ZNF81: variants seen among roughly 807,000 people sequenced by gnomAD.
ZNF81 encodes the protein zinc finger protein 81, also known as zinc finger protein 81 (HFZ20).
In ZNF81, 5 loss-of-function variants were observed where a neutral mutation model predicts 32.3. That is an observed-to-expected ratio of 0.15 (90% CI 0.08 to 0.33). ZNF81 has a LOEUF of 0.33. Among genes scored for constraint, ZNF81 ranks in the 10% least tolerant of loss-of-function variants. The probability of loss-of-function intolerance (pLI) is 1.00; values close to 1 mark genes in which losing one functional copy is unlikely to be tolerated. For missense variants in ZNF81, 379 were observed against 479.8 expected (o/e 0.79, Z 1.96); for synonymous variants, 163 against 166.8 (o/e 0.98, Z 0.17).
At chrX:47,857,031 A>G (rs1441762614) in intron 2 of ZNF81, among the ~76,000 whole-genome samples, 2 of 112,182 alleles carry the variant, frequency 1.8e-5, no homozygotes, top group Non-Finnish European at 3.8e-5. Context: ...CACCAATAGA[A>G]GCCTGTGGCT....
intron 1 of ZNF81, among the ~76,000 whole-genome samples, chrX:47,840,117 T>C (rs1442343954): frequency 1.2e-5 from 1 of 82,684 alleles, no homozygotes; most frequent in Non-Finnish European, 2.3e-5. Context: ...TGTCTTCATG[T>C]CTTCTCTCTC....
intron 3 of ZNF81, among the ~76,000 whole-genome samples, chrX:47,892,203 C>T (rs2058665000): frequency 9.0e-6 from 1 of 111,682 alleles, no homozygotes; most frequent in Non-Finnish European, 1.9e-5. Flanking sequence ...ACTCTGCTGT[C>T]CATTGTGGTA....
Position 47,917,948 on chromosome X carries a change from A to G in ZNF81, c.*1316A>G, listed in dbSNP as rs1285226884. 2.7e-5 allele frequency: 3 copies of G among 110,305 alleles called. No homozygotes were observed. The highest frequency in any genetic ancestry group is 5.7e-5 in the Non-Finnish European group (3 of 52,882). 9.1% of individuals were successfully genotyped at this position (110,305 alleles called of 1,213,427 possible). A position where few individuals can be genotyped will look rare whatever the true frequency, so the allele number is the denominator to read the frequency against. Reference sequence around the variant, plus strand: ...CAGTGAGGAAAACTGTTTTTCCTCAAATAACAAAGGTTGGATAGTTGGCAA... The same window carrying G: ...CAGTGAGGAAAACTGTTTTTCCTCAGATAACAAAGGTTGGATAGTTGGCAA... On this transcript the variant is annotated 3_prime_UTR_variant, in exon 5 of 5. Coordinates refer to ENST00000338637, the MANE Select transcript of ZNF81 (RefSeq NM_007137.5).
chrX:47,887,647 T>A (rs1245652565), intron 2 of ZNF81, among the ~76,000 whole-genome samples: 1 of 111,534 alleles, frequency 9.0e-6, no homozygotes, highest in Non-Finnish European at 1.9e-5. Context: ...CTATGTGAAA[T>A]TTTTAAAAAT....
rs782609524 is a variant in ZNF81 at position 47,846,258 on chromosome X, C to T, written c.-10C>T. On this transcript the variant is annotated 5_prime_UTR_variant, in exon 2 of 5. Coordinates refer to ENST00000338637, the MANE Select transcript of ZNF81 (RefSeq NM_007137.5). ...AAGCCCCAGGGCTGAAGTCCAAGTC[C>T]GTCGGGAACATGCCAGCTAACGAGG... is the stretch of plus-strand genomic sequence containing the variant. 2.0e-5 allele frequency: 24 copies of T among 1,206,213 alleles called. No homozygotes were observed. The highest frequency in any genetic ancestry group is 5.6e-4 in the Middle Eastern group (2 of 3,579).
At chrX:47,896,343 G>T (rs782225388) in intron 4 of ZNF81, among the ~76,000 whole-genome samples, 5 of 111,422 alleles carry the variant, frequency 4.5e-5, no homozygotes, top group Non-Finnish European at 9.4e-5. Flanking sequence ...TTGAAAATCC[G>T]TTGGTTGCCT....
At chrX:47,889,095 T>C (rs1556886186) in intron 3 of ZNF81, among the ~76,000 whole-genome samples, 1 of 111,751 alleles carries the variant, frequency 8.9e-6, no homozygotes, top group African/African-American at 3.3e-5. Context: ...AGGAAAAAGG[T>C]ACCAGAACTT....
At position 47,884,172 on chromosome X, in the gene ZNF81, G is replaced by A. The variant is rs183457055; in HGVS notation, c.55-3827G>A. 2.8e-3 allele frequency among the ~76,000 whole-genome samples: 298 copies of A among 106,303 alleles called. 1 individual carries two copies. Among genetic ancestry groups the A allele is most frequent in the African/African-American group, 9.6e-3 (278 of 28,941 alleles). The allele number at this position is 106,303 out of a possible 115,157, so 92.3% of individuals were successfully genotyped here. A position where few individuals can be genotyped will look rare whatever the true frequency, so the allele number is the denominator to read the frequency against. On this transcript the variant is annotated intron_variant, in intron 2 of 4. Coordinates refer to ENST00000338637, the MANE Select transcript of ZNF81 (RefSeq NM_007137.5). ...GAGGCAGAGAATTGCCTGAACCAGG[G>A]AGGCGGAGGTTGCAGTGAGCTGAGA...
At chrX:47,869,895 C>T (rs1192236522) in intron 2 of ZNF81, among the ~76,000 whole-genome samples, 1 of 110,959 alleles carries the variant, frequency 9.0e-6, no homozygotes, top group Non-Finnish European at 1.9e-5. Context: ...AGGGTTTTGT[C>T]ATGTTGTCCA....
chrX:47,885,644 G>T (rs1006040621), intron 2 of ZNF81, among the ~76,000 whole-genome samples: 3 of 111,730 alleles, frequency 2.7e-5, no homozygotes, highest in Non-Finnish European at 5.6e-5. Flanking sequence ...TCCTCCAGAG[G>T]GGGTGAATTC....
chrX:47,841,069 G>T, intron 1 of ZNF81: 1 of 864,701 alleles, frequency 1.2e-6, no homozygotes, highest in Non-Finnish European at 1.7e-6. Flanking sequence ...ACGGGCCACT[G>T]ACAGGTGGAA....
chrX:47,865,859 C>T (rs782030749), intron 2 of ZNF81, among the ~76,000 whole-genome samples: 69 of 111,575 alleles, frequency 6.2e-4, no homozygotes, highest in Non-Finnish European at 1.1e-3. Flanking sequence ...CCCTGAACTT[C>T]GTCAGAATTT....
At position 47,900,417 on chromosome X, in the gene ZNF81, C is replaced by T. The variant is rs782086157; in HGVS notation, c.277+4477C>T. Among the ~76,000 whole-genome samples, 5 of 111,665 alleles carry T rather than the reference C, an allele frequency of 4.5e-5. No homozygotes were observed. In the East Asian group the frequency reaches 8.5e-4, roughly 19 times the overall value. ...GTCAGTATTGGGGGAAAAATTCATA[C>T]TTTGACCCATACTTCACATCCTATA... On this transcript the variant is annotated intron_variant, in intron 4 of 4. Transcript: ENST00000338637.
Position 47,922,943 on chromosome X carries a change from ACAT to A in ZNF81, c.*6315_*6317del, listed in dbSNP as rs1274409750. Among the ~76,000 whole-genome samples the A allele has an allele frequency of 9.0e-6, 1 of 111,086 alleles. No individual in the cohort carries two copies. The highest frequency in any genetic ancestry group is 1.9e-5 in the Non-Finnish European group (1 of 53,020). On this transcript the variant is annotated 3_prime_UTR_variant, in exon 5 of 5. Coordinates refer to ENST00000338637, the MANE Select transcript of ZNF81 (RefSeq NM_007137.5). ...GGCTGTTTTCTCCCTGTGTTTCTTCACATCATGTTCCCTCTGTGTGTCTGGCTC... is the reference window on the plus strand; with the variant it reads ...GGCTGTTTTCTCCCTGTGTTTCTTCACATGTTCCCTCTGTGTGTCTGGCTC...
intron 4 of ZNF81, among the ~76,000 whole-genome samples, chrX:47,914,111 C>T (rs2058748150): frequency 1.8e-5 from 2 of 111,129 alleles, no homozygotes; most frequent in Admixed American, 9.6e-5. Flanking sequence ...TAGATCTTTC[C>T]CCTGAAAACT....
Position 47,919,185 on chromosome X carries a change from G to A in ZNF81, c.*2553G>A, listed in dbSNP as rs2058767645. On this transcript the variant is annotated 3_prime_UTR_variant, in exon 5 of 5. Transcript: ENST00000338637. ...TAATGTGAATACTTTGTGACCAGAAGACACACTGTGTTAGGTAGAAAAATG... is the reference window on the plus strand; with the variant it reads ...TAATGTGAATACTTTGTGACCAGAAAACACACTGTGTTAGGTAGAAAAATG... 1 of 328,677 alleles carries A rather than the reference G, an allele frequency of 3.0e-6. No individual in the cohort carries two copies. Among genetic ancestry groups the A allele is most frequent in the Non-Finnish European group, 5.9e-6 (1 of 169,557 alleles). 27.1% of individuals were successfully genotyped at this position (328,677 alleles called of 1,213,427 possible). A position where few individuals can be genotyped will look rare whatever the true frequency, so the allele number is the denominator to read the frequency against.
chrX:47,867,353 TA>T (rs1556883388), intron 2 of ZNF81, among the ~76,000 whole-genome samples: 1 of 112,117 alleles, frequency 8.9e-6, no homozygotes, highest in East Asian at 2.8e-4. Context: ...GATTTACAAA[TA>T]CAAGTTTTTT....
chrX:47,847,306 C>T (rs1556880633), intron 2 of ZNF81, among the ~76,000 whole-genome samples: 1 of 111,297 alleles, frequency 9.0e-6, no homozygotes, highest in Non-Finnish European at 1.9e-5. Context: ...CCTCGAACTC[C>T]TGGGCTCAAG....
chrX:47,924,493 A>AT lies in ZNF81; in HGVS notation c.*7867dup, dbSNP rs1173728284. Among the ~76,000 whole-genome samples, 1 of 111,769 alleles carries AT rather than the reference A, an allele frequency of 8.9e-6. No individual in the cohort carries two copies. The highest frequency in any genetic ancestry group is 1.9e-5 in the Non-Finnish European group (1 of 53,125). ...TCAAGGAAGTTTTATTTTGCTTAAC[A>AT]TTTTTTCTGATCCATTTCTTCTCTT... On this transcript the variant is annotated 3_prime_UTR_variant, in exon 5 of 5. Transcript: ENST00000338637.
Sources: allele counts gnomAD v4.1 joint callset (sites outside exome capture counted in the v4.1 genomes callset), GRCh38; gene constraint gnomAD v4.1.1; transcripts MANE v1.5; gene names NCBI Gene and HGNC (gene_info 2026-07-23, HGNC 2026-07-21).